Variants in ZNF236 observed in about 807,000 individuals in gnomAD.
ZNF236 encodes regulated by glucose.
ZNF236 carries 50 observed loss-of-function variants against 191.2 expected under a neutral mutation model. The ratio of observed to expected loss-of-function variants is 0.26; its 90% confidence interval spans 0.21 to 0.33. The LOEUF (loss-of-function observed/expected upper bound fraction) is 0.33. Among genes scored for constraint, ZNF236 ranks in the 10% least tolerant of loss-of-function variants. ZNF236 has a pLI of 1.00. For synonymous variants in ZNF236, 907 were observed against 928.8 expected (o/e 0.98, Z 0.43); for missense variants, 1,754 against 2,374.5 (o/e 0.74, Z 5.43).
chr18:76,967,107 T>C (rs113694293), intron 30 of ZNF236, among the ~76,000 whole-genome samples: 3,108 of 46,924 alleles, frequency 0.066, 131 homozygotes, highest in African/African-American at 0.21. Flanking sequence ...TCGTGAGATG[T>C]GTTATTTGGT....
intron 21 of ZNF236, among the ~76,000 whole-genome samples, chr18:76,924,658 A>G (rs1261052133): frequency 2.0e-5 from 3 of 152,228 alleles, no homozygotes; most frequent in African/African-American, 4.8e-5. Flanking sequence ...AAAGAGCCTA[A>G]GGAACTAGGT....
At chr18:76,910,011 C>A in intron 14 of ZNF236, 57 bp from the exon 15 acceptor site, 5 of 1,327,288 alleles carry the variant, frequency 3.8e-6, no homozygotes, top group Non-Finnish European at 4.3e-6. Context: ...GACAGATTTG[C>A]AGTTGTGAAA....
intron 6 of ZNF236, 142 bp from the exon 7 acceptor site, chr18:76,877,867 T>G: frequency 3.4e-6 from 2 of 590,156 alleles, no homozygotes; most frequent in Non-Finnish European, 5.4e-6. Flanking sequence ...CTATCTAATT[T>G]AAAAGAAAAA....
intron 9 of ZNF236, 103 bp from the exon 10 acceptor site, chr18:76,894,910 A>C: frequency 6.8e-7 from 1 of 1,470,502 alleles, no homozygotes; most frequent in Admixed American, 1.9e-5. Context: ...GCTTTCCCAT[A>C]ACTGATCATG....
Position 76,904,520 on chromosome 18 carries a change from A to G in ZNF236, c.2035A>G (p.Arg679Gly). The change falls in exon 12 of 31, where the codon AGA becomes GGA. Residue 679 changes from arginine to glycine, a missense_variant and splice_region_variant. By Grantham distance (125) the Arg-to-Gly change is moderately radical. Transcript: ENST00000320610. ...KKSCHLKQHI[R>G]SHTGEKPFKC... ...ATCTTGCCACCTTAAACAACACATCAGGTAAGGTAACGGATTCACAGATGG... is the reference window on the plus strand; with the variant it reads ...ATCTTGCCACCTTAAACAACACATCGGGTAAGGTAACGGATTCACAGATGG... 6.3e-7 allele frequency: 1 copy of G among 1,595,110 alleles called. No individual in the cohort carries two copies. The highest frequency in any genetic ancestry group is 8.5e-7 in the Non-Finnish European group (1 of 1,171,582).
chr18:76,881,327 C>T lies in ZNF236; in HGVS notation c.1232C>T (p.Ala411Val). Reference protein sequence around the residue: ...NSGLSSIPAAAHPNDSCHAKT... With the variant: ...NSGLSSIPAAVHPNDSCHAKT... ...GGGCTGTCTTCAATTCCAGCTGCAG[C>T]ACATCCTAATGACTCCTGCCATGCC... Residue 411 changes from alanine to valine, a missense_variant, in exon 9 of 31, where the codon GCA becomes GTA. Physicochemically the swap from Ala to Val is moderately conservative, Grantham distance 64. This residue lies in a region of ZNF236 where 126 missense variants were observed against 110.9 expected (regional missense o/e 1.14). Coordinates refer to ENST00000320610, the MANE Select transcript of ZNF236 (RefSeq NM_001306089.2). The T allele has an allele frequency of 6.2e-7, 1 of 1,614,092 alleles. No homozygotes were observed. The highest frequency in any genetic ancestry group is 8.5e-7 in the Non-Finnish European group (1 of 1,180,038).
intron 1 of ZNF236, among the ~76,000 whole-genome samples, chr18:76,843,775 CAAAAAAAAA>C (rs780026489): frequency 0.018 from 150 of 8,250 alleles, 9 homozygotes; most frequent in Non-Finnish European, 0.022. Context: ...GACTCCGTCT[CAAAAAAAAA>C]AAAAAAAAAA....
chr18:76,878,709 CA>C (rs1233408335), intron 7 of ZNF236, among the ~76,000 whole-genome samples: 5 of 151,984 alleles, frequency 3.3e-5, no homozygotes, highest in Non-Finnish European at 7.4e-5. Context: ...ACTCGTACTG[CA>C]CTACCCTCTC....
chr18:76,921,554 G>A (rs1967533020), intron 20 of ZNF236, among the ~76,000 whole-genome samples: 1 of 152,116 alleles, frequency 6.6e-6, no homozygotes, highest in East Asian at 1.9e-4. Context: ...TAGTGGTGGA[G>A]TCATAGATGA....
chr18:76,858,171 G>T (rs868339178), intron 3 of ZNF236, among the ~76,000 whole-genome samples: 2 of 151,998 alleles, frequency 1.3e-5, no homozygotes, highest in African/African-American at 2.4e-5. Context: ...TAGCATATGC[G>T]CAGTTTTTAA....
In ZNF236 at chr18:76,947,665, C is replaced by T; in HGVS notation, c.4914+13C>T. On this transcript the variant is annotated intron_variant, in intron 27 of 30. Transcript: ENST00000320610. ...AATAGCCTACCAGGTACAGGATATT[C>T]CTTCATTCACAGAGCTTTTGTCGCT... The T allele has an allele frequency of 6.2e-7, 1 of 1,611,710 alleles. No homozygotes were observed.
intron 26 of ZNF236, among the ~76,000 whole-genome samples, chr18:76,942,222 G>A (rs560139174): frequency 6.6e-6 from 1 of 152,160 alleles, no homozygotes; most frequent in Non-Finnish European, 1.5e-5. Flanking sequence ...TAATAGCACG[G>A]GGAAGAGATC....
intron 1 of ZNF236, among the ~76,000 whole-genome samples, chr18:76,845,319 G>A (rs1975642763): frequency 1.3e-5 from 2 of 152,170 alleles, no homozygotes; most frequent in Admixed American, 1.3e-4. Context: ...TGCACCCCCT[G>A]TGTATAGTGA....
At position 76,908,448 on chromosome 18, in the gene ZNF236, A is replaced by C. The variant is rs1351886069; in HGVS notation, c.2426A>C (p.Gln809Pro). ...QVEIESDELP[Q>P]TAEVVAANPE... ...GAGATCGAGAGCGACGAGCTGCCGC[A>C]GACGGCAGAGGTGGTCGCAGCGAAC... Residue 809 changes from glutamine (Q) to proline (P), a missense_variant, in exon 14 of 31, where the codon CAG becomes CCG. By Grantham distance (76) the Gln-to-Pro change is moderately conservative (BLOSUM62 -1). Around this residue, in one of 5 missense-constraint regions of ZNF236, gnomAD observed 641 missense variants for 869.6 expected, o/e 0.74. Coordinates refer to ENST00000320610, the MANE Select transcript of ZNF236 (RefSeq NM_001306089.2). 1 of 1,614,146 alleles carries C rather than the reference A, an allele frequency of 6.2e-7. No individual in the cohort carries two copies.
intron 11 of ZNF236, among the ~76,000 whole-genome samples, chr18:76,903,772 T>A (rs1977666977): frequency 6.6e-6 from 1 of 152,056 alleles, no homozygotes; most frequent in African/African-American, 2.4e-5. Flanking sequence ...CTGAAGGAAT[T>A]CTTAATTTAG....
intron 1 of ZNF236, among the ~76,000 whole-genome samples, chr18:76,843,329 TAC>T (rs1975567607): frequency 1.3e-5 from 2 of 152,006 alleles, no homozygotes; most frequent in Admixed American, 6.6e-5. Context: ...ATTTGTTAGG[TAC>T]ACATTACATG....
Position 76,880,036 on chromosome 18 carries a change from G to GTTTTTT in ZNF236, c.985-69_985-64dup. The GTTTTTT allele has an allele frequency of 9.8e-7, 1 of 1,015,374 alleles. No homozygotes were observed. The highest frequency in any genetic ancestry group is 1.4e-6 in the Non-Finnish European group (1 of 715,140). The allele number at this position is 1,015,374 out of a possible 1,614,324, so 62.9% of individuals were successfully genotyped here. A position where few individuals can be genotyped will look rare whatever the true frequency, so the allele number is the denominator to read the frequency against. ...AACACCCTTAAGGAGGGTATTGCCT[G>GTTTTTT]TTTTTTTTTTTTTAATTTTCCTTTT... On this transcript the variant is annotated intron_variant, in intron 7 of 30. Transcript: ENST00000320610. This position sits in a 1 kb window ranked among gnomAD's most constrained non-coding sequence, Gnocchi z 5.0.
chr18:76,939,601 C>T (rs771615045), intron 26 of ZNF236, among the ~76,000 whole-genome samples: 6 of 152,204 alleles, frequency 3.9e-5, no homozygotes, highest in African/African-American at 7.2e-5. Flanking sequence ...GGAGTCTGTA[C>T]ACTAACTCAG....
At chr18:76,840,775 C>CTCTGTGTGTG (rs1555685326) in intron 1 of ZNF236, 3 of 114,912 alleles carry the variant, frequency 2.6e-5, no homozygotes, top group Non-Finnish European at 5.0e-5. Context: ...TCTTTATAAC[C>CTCTGTGTGTG]TGTGTGTGTG....
Sources: gnomAD v4.1 joint callset for allele counts (sites outside exome capture counted in the v4.1 genomes callset) on GRCh38, gnomAD v4.1.1 for gene constraint, gnomAD v4.1.1 regional missense constraint, Gnocchi (gnomAD v3.1) non-coding constraint, MANE v1.5 for transcripts, NCBI Gene and HGNC (gene_info 2026-07-23, HGNC 2026-07-21) for gene names.